The following ZMYND11 variants were observed in gnomAD, a reference collection of about 807,000 sequenced individuals.
ZMYND11 encodes the protein zinc finger MYND domain-containing protein 11.
In ZMYND11, 9 loss-of-function variants were observed where a neutral mutation model predicts 84.9. The ratio of observed to expected loss-of-function variants is 0.11; its 90% CI spans 0.06 to 0.18. The LOEUF is 0.18. Ranked by LOEUF, ZMYND11 falls within the 10% of genes least tolerant of loss-of-function variation. The pLI is 1.00. For missense variants in ZMYND11, 409 were observed against 761.0 expected, an observed-to-expected ratio of 0.54 and a Z score of 5.44; for synonymous variants, 250 against 244.1, an observed-to-expected ratio of 1.02 and a Z score of -0.23.
intron 4 of ZMYND11, among the ~76,000 whole-genome samples, chr10:230,487 A>C (rs1346666609): frequency 1.0e-4 from 15 of 150,300 alleles, no homozygotes; most frequent in Non-Finnish European, 2.2e-4. Flanking sequence ...AAAAAAAAAA[A>C]AAAAAAAAAA....
intron 1 of ZMYND11, among the ~76,000 whole-genome samples, chr10:152,048 A>G (rs537114927): frequency 5.4e-4 from 82 of 152,350 alleles, no homozygotes; most frequent in African/African-American, 1.9e-3. Flanking sequence ...CCTGCCCTAC[A>G]AGAGCTCCTG....
chr10:140,151 A>G (rs111719709), intron 1 of ZMYND11, among the ~76,000 whole-genome samples: 128 of 152,290 alleles, frequency 8.4e-4, no homozygotes, highest in African/African-American at 3.0e-3. Context: ...AGTGGGTGAG[A>G]TATTTTTTGA....
chr10:234,593 T>G (rs1299356534), intron 4 of ZMYND11, among the ~76,000 whole-genome samples: 1 of 152,188 alleles, frequency 6.6e-6, no homozygotes, highest in Non-Finnish European at 1.5e-5. Context: ...TTAGATAAAT[T>G]CATATTTTAA....
intron 2 of ZMYND11, among the ~76,000 whole-genome samples, chr10:196,335 A>G (rs947453006): frequency 1.6e-4 from 25 of 152,224 alleles, no homozygotes; most frequent in Non-Finnish European, 3.5e-4. Flanking sequence ...ATCAAGAGGA[A>G]TTTTATATCG....
At chr10:239,402 A>G (rs1950515354) in intron 6 of ZMYND11, 36 bp from the exon 7 acceptor site, 1 of 1,557,836 alleles carries the variant, frequency 6.4e-7, no homozygotes, top group Non-Finnish European at 8.8e-7. Flanking sequence ...TTTTACTGGT[A>G]ACTCTTTTCG....
chr10:134,500 T>C (rs1835449017), upstream of ZMYND11: 1 of 152,306 alleles, frequency 6.6e-6, no homozygotes, highest in Non-Finnish European at 1.5e-5. Context: ...CTTGCAGGGC[T>C]GCTGATGGGT....
intron 4 of ZMYND11, among the ~76,000 whole-genome samples, chr10:233,566 T>C (rs1308092747): frequency 6.6e-6 from 1 of 152,218 alleles, no homozygotes; most frequent in Non-Finnish European, 1.5e-5. Flanking sequence ...GGGGTAGTTA[T>C]GAAGGTAATA....
chr10:214,082 TA>T (rs1196842756), intron 3 of ZMYND11, among the ~76,000 whole-genome samples: 2 of 152,146 alleles, frequency 1.3e-5, no homozygotes, highest in Non-Finnish European at 2.9e-5. Context: ...GCAGTTATTT[TA>T]GGCATTTTGG....
At chr10:132,801 G>A (rs561082379), upstream of ZMYND11, among the ~76,000 whole-genome samples, 9 of 152,256 alleles carry the variant, frequency 5.9e-5, no homozygotes, top group South Asian at 1.5e-3. Flanking sequence ...GATTGGGGGC[G>A]GGAGGAGTAT....
chr10:151,478 A>AAATG (rs1423387159), intron 1 of ZMYND11, among the ~76,000 whole-genome samples: 1 of 152,230 alleles, frequency 6.6e-6, no homozygotes, highest in Non-Finnish European at 1.5e-5. Context: ...ATGGAAGATC[A>AAATG]AATGAATGAA....
intron 2 of ZMYND11, among the ~76,000 whole-genome samples, chr10:196,227 A>T (rs1941706711): frequency 6.6e-6 from 1 of 152,242 alleles, no homozygotes; most frequent in South Asian, 2.1e-4. Context: ...CATGGAAGTT[A>T]CATTATTGAC....
At chr10:131,953 T>C (rs189468102), upstream of ZMYND11, among the ~76,000 whole-genome samples, 7 of 152,294 alleles carry the variant, frequency 4.6e-5, no homozygotes, top group East Asian at 9.7e-4. Flanking sequence ...TTCAAAAACA[T>C]GATTTTTAAA....
intron 1 of ZMYND11, among the ~76,000 whole-genome samples, chr10:171,620 G>GT (rs1386706584): frequency 6.6e-6 from 1 of 152,114 alleles, no homozygotes; most frequent in African/African-American, 2.4e-5. Context: ...AATAAAAATA[G>GT]TTTATCAAAA....
intron 2 of ZMYND11, among the ~76,000 whole-genome samples, chr10:186,865 A>G (rs1324513478): frequency 6.6e-6 from 1 of 152,134 alleles, no homozygotes; most frequent in Non-Finnish European, 1.5e-5. Flanking sequence ...AGCAGTAATC[A>G]TTAGTTGTCA....
Position 210,006 on chromosome 10 carries a change from T to G in ZMYND11, c.234T>G (p.Ala78=). The change falls in exon 3 of 15, where the codon GCT becomes GCG. Residue 78 remains alanine, a synonymous_variant. Coordinates refer to ENST00000381604, the MANE Select transcript of ZMYND11 (RefSeq NM_001370100.5). ...CAGTGGGCTGCAAAGGTTCAAAAGC[T>G]GGTATTGAACAAGAAGGATATTGGT... ...TLTVGCKGSK[A]GIEQEGYWLP... 1 of 1,614,140 alleles carries G rather than the reference T, an allele frequency of 6.2e-7. No individual in the cohort carries two copies. The highest frequency in any genetic ancestry group is 8.5e-7 in the Non-Finnish European group (1 of 1,179,994).
intron 2 of ZMYND11, among the ~76,000 whole-genome samples, chr10:188,238 A>G (rs1246176553): frequency 6.6e-6 from 1 of 152,190 alleles, no homozygotes; most frequent in East Asian, 1.9e-4. Context: ...AGGATGAAGA[A>G]TCATGTAACA....
Position 252,310 on chromosome 10 carries a change from ACC to A in ZMYND11, c.1687-36_1687-35del. The A allele has an allele frequency of 2.5e-6, 4 of 1,611,418 alleles. No individual in the cohort carries two copies. Among genetic ancestry groups the A allele is most frequent in the Non-Finnish European group, 3.4e-6 (4 of 1,178,948 alleles). On this transcript the variant is annotated intron_variant, in intron 14 of 14. Transcript: ENST00000381604. This position sits in a 1 kb window ranked among gnomAD's most constrained non-coding sequence, Gnocchi z 4.6. Reference sequence around the variant, plus strand: ...TTTAACCAGTCGCTTACACATCCACACCCAAGTCTAAAGACTGCCCCGATTTC... The same window carrying A: ...TTTAACCAGTCGCTTACACATCCACACAAGTCTAAAGACTGCCCCGATTTC...
intron 3 of ZMYND11, among the ~76,000 whole-genome samples, chr10:216,396 A>T (rs188373960): frequency 8.5e-4 from 130 of 152,302 alleles, no homozygotes; most frequent in African/African-American, 3.0e-3. Flanking sequence ...AAGTTAATCA[A>T]TCGTATGTTT....
intron 4 of ZMYND11, among the ~76,000 whole-genome samples, chr10:225,912 C>G (rs1948037149): frequency 6.6e-6 from 1 of 152,160 alleles, no homozygotes. Flanking sequence ...TCGAGAGCTT[C>G]TTTGGTGGTG....
Sources: allele counts gnomAD v4.1 joint callset (sites outside exome capture counted in the v4.1 genomes callset), GRCh38; gene constraint gnomAD v4.1.1; non-coding constraint Gnocchi (gnomAD v3.1); transcripts MANE v1.5; gene names NCBI Gene and HGNC (gene_info 2026-07-23, HGNC 2026-07-21).